The following PRSS55 variants were observed in gnomAD, a reference collection of about 807,000 sequenced individuals.
The protein encoded by PRSS55 is probable serine protease UNQ9391/PRO34284.
PRSS55 carries 41 observed loss-of-function variants against 23.6 expected under a neutral mutation model. That is an observed-to-expected ratio of 1.74 (90% CI 1.35 to 2.26). The LOEUF (loss-of-function observed/expected upper bound fraction) is 2.26. Ranked by LOEUF, PRSS55 falls within the 30% of genes most tolerant of loss-of-function variation. PRSS55 has a pLI of 0.00. For missense variants in PRSS55, 669 were observed against 439.1 expected (o/e 1.52, Z -4.68); for synonymous variants, 262 against 175.5 (o/e 1.49, Z -3.90).
intron 4 of PRSS55, among the ~76,000 whole-genome samples, chr8:10,544,379 CTTTTT>C (rs1812760132): frequency 6.6e-6 from 1 of 150,968 alleles, no homozygotes; most frequent in Admixed American, 6.6e-5. Context: ...TTATCTGTTT[CTTTTT>C]ATTTTTAACC....
intron 4 of PRSS55, chr8:10,553,928 A>ATT: frequency 2.8e-6 from 4 of 1,425,764 alleles, no homozygotes; most frequent in Admixed American, 2.4e-5. Flanking sequence ...TGTCAATTTA[A>ATT]TTTTTTTTTT....
chr8:10,544,931 T>G lies in PRSS55; in HGVS notation c.742-9012T>G, dbSNP rs771387568. 78 of 736,530 alleles carry G rather than the reference T, an allele frequency of 1.1e-4. 1 individual carries two copies. Among genetic ancestry groups the G allele is most frequent in the Admixed American group, 1.3e-4 (2 of 15,968 alleles). 45.6% of individuals were successfully genotyped at this position (736,530 alleles called of 1,614,324 possible). A position where few individuals can be genotyped will look rare whatever the true frequency, so the allele number is the denominator to read the frequency against. ...ATAGATTTTAAGAGAAGAAAGGAGA[T>G]AAAGTATGTATTTATAGAATTTTTA... On this transcript the variant is annotated intron_variant, in intron 4 of 4. Coordinates refer to the PRSS55 transcript ENST00000522210.
At chr8:10,548,746 C>T (rs572573513) in intron 4 of PRSS55, among the ~76,000 whole-genome samples, 6 of 145,754 alleles carry the variant, frequency 4.1e-5, no homozygotes, top group East Asian at 2.1e-4. Flanking sequence ...GACTTGGATC[C>T]GCAGGGCAGC....
At chr8:10,533,124 C>A in intron 4 of PRSS55, 76 bp downstream of exon 4, 1 of 1,475,066 alleles carries the variant, frequency 6.8e-7, no homozygotes, top group Non-Finnish European at 9.3e-7. Flanking sequence ...TATTCTCTCT[C>A]TGCTGCAAAT....
chr8:10,528,193 C>T (rs1054878081), intron 1 of PRSS55, among the ~76,000 whole-genome samples: 12 of 140,466 alleles, frequency 8.5e-5, no homozygotes, highest in Admixed American at 3.8e-4. Context: ...AGCAAGACTT[C>T]GTCTCTCAAA....
chr8:10,542,609 T>A (rs1232780112), downstream of PRSS55, among the ~76,000 whole-genome samples: 1 of 151,916 alleles, frequency 6.6e-6, no homozygotes, highest in African/African-American at 2.4e-5. Flanking sequence ...GTGGCTCATG[T>A]CTAATCCCAG....
chr8:10,545,198 A>C (rs1330222186), intron 4 of PRSS55: 1 of 120,788 alleles, frequency 8.3e-6, no homozygotes, highest in Non-Finnish European at 1.5e-5. Flanking sequence ...GCAAGCCCAC[A>C]CTATTTTTTT....
At chr8:10,537,762 G>C (rs1425307690) in intron 4 of PRSS55, among the ~76,000 whole-genome samples, 2 of 152,046 alleles carry the variant, frequency 1.3e-5, no homozygotes, top group Non-Finnish European at 2.9e-5. Flanking sequence ...TTAATAAAAA[G>C]AAAATCCTGG....
At chr8:10,543,476 CTCTCTTTTTTTTT>C (rs1812726605), downstream of PRSS55, among the ~76,000 whole-genome samples, 12 of 28,196 alleles carry the variant, frequency 4.3e-4, no homozygotes, top group East Asian at 1.3e-3. Flanking sequence ...TTCTTTCTTT[CTCTCTTTTTTTTT>C]TTTTTCCAAG....
chr8:10,525,579 C>G lies in PRSS55; in HGVS notation c.-7C>G, dbSNP rs199930823. Reference sequence around the variant, plus strand: ...TCACCCCCGGGCCCACAGCACAGCCCAGGGCCATGCTCCTGTTCTCAGTGT... The same window carrying G: ...TCACCCCCGGGCCCACAGCACAGCCGAGGGCCATGCTCCTGTTCTCAGTGT... On this transcript the variant is annotated 5_prime_UTR_variant, in exon 1 of 5. Transcript: ENST00000328655. The G allele has an allele frequency of 2.4e-4, 390 of 1,613,610 alleles. No individual in the cohort carries two copies. In the African/African-American group the frequency reaches 4.8e-3, roughly 20 times the overall value.
chr8:10,529,490 C>G lies in PRSS55; in HGVS notation c.155-17C>G. 6.2e-7 allele frequency: 1 copy of G among 1,613,306 alleles called. No individual in the cohort carries two copies. Among genetic ancestry groups the G allele is most frequent in the Non-Finnish European group, 8.5e-7 (1 of 1,179,214 alleles). On this transcript the variant is annotated splice_polypyrimidine_tract_variant and intron_variant, in intron 1 of 4. Transcript: ENST00000328655. ...AGTGTTTCCCCTTTTCCTTTCCACT[C>G]TCTTTCTTTCCACCAGAATGTGGTG...
At chr8:10,531,596 G>A (rs546230696) in intron 3 of PRSS55, 51 bp downstream of exon 3, 29 of 1,599,188 alleles carry the variant, frequency 1.8e-5, no homozygotes, top group Non-Finnish European at 2.3e-5. Context: ...CAATGTGAAG[G>A]AGAGGGGAGG....
chr8:10,532,906 C>G lies in PRSS55; in HGVS notation c.599C>G (p.Ala200Gly). ...CTAATGCGCTTTCTCTCTGGGCCAG[C>G]TGACAAAAACTCTGTGAAAACGGAT... ...WVAGWGQTNAADKNSVKTDLM... is the reference protein window; with the variant it reads ...WVAGWGQTNAGDKNSVKTDLM... The change falls in exon 4 of 5, where the codon GCT (alanine) becomes GGT (glycine). Residue 200 changes from alanine to glycine, a missense_variant and splice_region_variant. Physicochemically the swap from Ala to Gly is moderately conservative, Grantham distance 60 (BLOSUM62 0). Transcript: ENST00000328655. 2 of 1,614,138 alleles carry G rather than the reference C, an allele frequency of 1.2e-6. No individual in the cohort carries two copies. Among genetic ancestry groups the G allele is most frequent in the African/African-American group, 2.7e-5 (2 of 75,032 alleles).
At chr8:10,552,428 T>A (rs1812971596) in intron 4 of PRSS55, among the ~76,000 whole-genome samples, 1 of 151,866 alleles carries the variant, frequency 6.6e-6, no homozygotes, top group Non-Finnish European at 1.5e-5. Flanking sequence ...ACAAATGGGG[T>A]TGCACTAAAC....
At chr8:10,553,964 C>G (rs1222323171) in exon 5 of PRSS55, 13 of 1,524,896 alleles carry the variant, frequency 8.5e-6, no homozygotes, top group Non-Finnish European at 1.0e-5. Flanking sequence ...TCCCACTTTA[C>G]AAAGAATGAA....
At chr8:10,526,140 C>T (rs1014176426) in intron 1 of PRSS55, among the ~76,000 whole-genome samples, 17 of 152,132 alleles carry the variant, frequency 1.1e-4, no homozygotes, top group African/African-American at 3.6e-4. Context: ...TCCTTGTGCC[C>T]GGCCCCCCAG....
At chr8:10,526,390 C>G (rs567292563) in intron 1 of PRSS55, among the ~76,000 whole-genome samples, 45 of 152,308 alleles carry the variant, frequency 3.0e-4, no homozygotes, top group African/African-American at 1.1e-3. Flanking sequence ...GCTGGGTGAC[C>G]GCAGCGCCAG....
At chr8:10,553,225 G>C (rs908150927) in intron 4 of PRSS55, among the ~76,000 whole-genome samples, 1 of 152,226 alleles carries the variant, frequency 6.6e-6, no homozygotes, top group Non-Finnish European at 1.5e-5. Flanking sequence ...TGCCATGTAA[G>C]ACATGCCTTT....
intron 4 of PRSS55, among the ~76,000 whole-genome samples, chr8:10,546,901 G>C (rs938429187): frequency 4.6e-5 from 7 of 151,942 alleles, no homozygotes; most frequent in Non-Finnish European, 8.8e-5. Context: ...GGCTGGCCTT[G>C]TACTCCTGGG....
Sources: allele counts gnomAD v4.1 joint callset (sites outside exome capture counted in the v4.1 genomes callset), GRCh38; gene constraint gnomAD v4.1.1; transcripts MANE v1.5; gene names NCBI Gene and HGNC (gene_info 2026-07-23, HGNC 2026-07-21).